Variants in FAAH2 observed in about 807,000 individuals in gnomAD.
The protein encoded by FAAH2 is fatty acid amide hydrolase 2.
FAAH2 carries 60 observed loss-of-function variants against 36.9 expected under a neutral mutation model. The observed-to-expected ratio is 1.63, with a 90% confidence interval of 1.32 to 2.02. The LOEUF (loss-of-function observed/expected upper bound fraction) is 2.02, where lower values mean the gene tolerates loss of function less well. FAAH2 is among the 30% of genes most tolerant of loss of function. The probability of loss-of-function intolerance (pLI) is 0.00; values close to 1 mark genes in which losing one functional copy is unlikely to be tolerated. For synonymous variants in FAAH2, 214 were observed against 143.8 expected (o/e 1.49, Z -3.49); for missense variants, 689 against 397.5 (o/e 1.73, Z -6.23).
At chrX:57,385,509 G>A (rs1432165880) in intron 7 of FAAH2, among the ~76,000 whole-genome samples, 2 of 111,460 alleles carry the variant, frequency 1.8e-5, no homozygotes, top group Non-Finnish European at 3.8e-5. Context: ...CTCCAGAGGG[G>A]AGAAACATGG....
At chrX:57,352,095 CATATAT>C (rs57909192) in intron 5 of FAAH2, among the ~76,000 whole-genome samples, 1 of 45,053 alleles carries the variant, frequency 2.2e-5, no homozygotes, top group African/African-American at 1.0e-4. Context: ...TATATATGCA[CATATAT>C]ATATATGTGT....
At chrX:57,437,800 TAATC>T (rs1260979519) in intron 8 of FAAH2, among the ~76,000 whole-genome samples, 2 of 102,569 alleles carry the variant, frequency 1.9e-5, no homozygotes, top group Admixed American at 1.1e-4. Context: ...AAATATGTTA[TAATC>T]AGATTTATAT....
chrX:57,349,802 A>C (rs1360935058), intron 5 of FAAH2, among the ~76,000 whole-genome samples: 1 of 110,175 alleles, frequency 9.1e-6, no homozygotes, highest in African/African-American at 3.3e-5. Flanking sequence ...TAATATTCCT[A>C]AATGTGAGGA....
At chrX:57,420,485 G>A (rs2055986604) in intron 7 of FAAH2, among the ~76,000 whole-genome samples, 1 of 111,490 alleles carries the variant, frequency 9.0e-6, no homozygotes, top group South Asian at 3.8e-4. Context: ...TGAAGTAATT[G>A]TGAATGGGTG....
intron 5 of FAAH2, among the ~76,000 whole-genome samples, chrX:57,346,314 A>G (rs749711226): frequency 8.0e-5 from 9 of 111,874 alleles, no homozygotes; most frequent in Non-Finnish European, 1.9e-5. Flanking sequence ...AATTGGGTGC[A>G]TGTATATATA....
At chrX:57,287,317 C>T (rs755616195) in intron 1 of FAAH2, among the ~76,000 whole-genome samples, 49 of 111,222 alleles carry the variant, frequency 4.4e-4, no homozygotes, top group African/African-American at 1.6e-3. Context: ...CAAACTGATT[C>T]TCAGCTATGG....
At chrX:57,265,220 C>G in the FAAH2 span, among the ~76,000 whole-genome samples, 1 of 111,611 alleles carries the variant, frequency 9.0e-6, no homozygotes, top group Non-Finnish European at 1.9e-5. Context: ...GACTCAGGAG[C>G]TTTAGATACT....
chrX:57,344,174 A>G (rs1045052547), intron 5 of FAAH2, among the ~76,000 whole-genome samples: 1 of 110,268 alleles, frequency 9.1e-6, no homozygotes, highest in African/African-American at 3.3e-5. Context: ...GATAGGGATA[A>G]CATTGAATAT....
chrX:57,261,232 A>G, the FAAH2 span, among the ~76,000 whole-genome samples: 4 of 111,669 alleles, frequency 3.6e-5, no homozygotes, highest in East Asian at 1.1e-3. Context: ...GATACATTAA[A>G]CAACATGGAT....
the FAAH2 span, among the ~76,000 whole-genome samples, chrX:57,159,670 A>AT: frequency 9.0e-6 from 1 of 111,545 alleles, no homozygotes; most frequent in African/African-American, 3.3e-5. Context: ...AATGCTTGTG[A>AT]TTTTTGTACA....
intron 5 of FAAH2, among the ~76,000 whole-genome samples, chrX:57,363,387 T>A (rs1039556451): frequency 2.7e-5 from 3 of 111,856 alleles, no homozygotes; most frequent in African/African-American, 6.5e-5. Context: ...TATTGGTGTA[T>A]AAAAGTACTA....
intron 3 of FAAH2, among the ~76,000 whole-genome samples, chrX:57,329,435 C>A (rs931986444): frequency 9.0e-6 from 1 of 110,685 alleles, no homozygotes; most frequent in East Asian, 2.9e-4. Flanking sequence ...TGCCTAGTTT[C>A]TGCCGGCAGC....
At chrX:57,177,138 G>A in the FAAH2 span, among the ~76,000 whole-genome samples, 1 of 111,175 alleles carries the variant, frequency 9.0e-6, no homozygotes, top group Non-Finnish European at 1.9e-5. Flanking sequence ...TACCCCAATA[G>A]TGAGAAGTCC....
chrX:57,431,491 A>G (rs1055117351), intron 7 of FAAH2, among the ~76,000 whole-genome samples: 1 of 111,685 alleles, frequency 9.0e-6, no homozygotes, highest in Non-Finnish European at 1.9e-5. Flanking sequence ...AAGTCAGAAA[A>G]GACACAACAG....
In FAAH2 at chrX:57,386,017, T is replaced by C. The variant is rs959457272; in HGVS notation, c.996+4988T>C. Among the ~76,000 whole-genome samples, 91 of 112,134 alleles carry C rather than the reference T, an allele frequency of 8.1e-4. 1 individual carries two copies. The highest frequency in any genetic ancestry group is 2.8e-3 in the African/African-American group (88 of 30,944). On this transcript the variant is annotated intron_variant, in intron 7 of 10. Transcript: ENST00000374900. ...ATCTATAGGGAAAATGTAATTCATA[T>C]AAAAACTCAGTGGATTTTTAAATTT... is the stretch of plus-strand genomic sequence containing the variant.
At chrX:57,143,051 T>C in the FAAH2 span, among the ~76,000 whole-genome samples, 4 of 111,807 alleles carry the variant, frequency 3.6e-5, no homozygotes, top group African/African-American at 1.3e-4. Flanking sequence ...GTCTTATTTT[T>C]TGATTCATTC....
rs142102916 is a variant in FAAH2, at chrX:57,433,929, A to T, written c.1116+1892A>T. Among the ~76,000 whole-genome samples the T allele has an allele frequency of 6.3e-4, 71 of 111,894 alleles. No individual in the cohort carries two copies. In the East Asian group the frequency reaches 0.013, roughly 20 times the overall value. ...CCTGGTTGCTCAGAAATCAACGTATAGATGCAGAAAGCCTGAAAAAGAAAT... is the reference window on the plus strand; with the variant it reads ...CCTGGTTGCTCAGAAATCAACGTATTGATGCAGAAAGCCTGAAAAAGAAAT... On this transcript the variant is annotated intron_variant, in intron 8 of 10. Transcript: ENST00000374900.
the FAAH2 span, among the ~76,000 whole-genome samples, chrX:57,163,296 A>G: frequency 2.4e-3 from 270 of 112,035 alleles, no homozygotes; most frequent in Middle Eastern, 0.014. Flanking sequence ...AGTCTGCAGA[A>G]GTTACTGCTG....
At chrX:57,172,063 G>C in the FAAH2 span, among the ~76,000 whole-genome samples, 1 of 111,218 alleles carries the variant, frequency 9.0e-6, no homozygotes, top group East Asian at 2.8e-4. Flanking sequence ...TTGATTGTAA[G>C]TATTTGGCTT....
Sources: allele counts gnomAD v4.1 joint callset (sites outside exome capture counted in the v4.1 genomes callset), GRCh38; gene constraint gnomAD v4.1.1; transcripts MANE v1.5; gene names NCBI Gene and HGNC (gene_info 2026-07-23, HGNC 2026-07-21).